PIK3C2G: variants seen among roughly 807,000 people sequenced by gnomAD.
PIK3C2G encodes the protein phosphatidylinositol-4-phosphate 3-kinase catalytic subunit type 2 gamma.
Under a neutral mutation model 181.1 loss-of-function variants are expected in PIK3C2G, and 168 were observed. That is an observed-to-expected ratio of 0.93 (90% CI 0.82 to 1.05). The LOEUF is 1.05. Among genes scored for constraint, PIK3C2G ranks in the 50% least tolerant of loss-of-function variants. The pLI is 0.00. For missense variants in PIK3C2G, 1,869 were observed against 1,732.8 expected (o/e 1.08, Z -1.40); for synonymous variants, 573 against 592.2 (o/e 0.97, Z 0.47).
chr12:18,641,336 T>C (rs930407802), intron 32 of PIK3C2G, among the ~76,000 whole-genome samples: 1 of 152,130 alleles, frequency 6.6e-6, no homozygotes, highest in African/African-American at 2.4e-5. Context: ...CCTTTATTGA[T>C]AGTACTTTAT....
intron 30 of PIK3C2G, among the ~76,000 whole-genome samples, chr12:18,604,796 G>A (rs368416849): frequency 1.3e-5 from 2 of 152,294 alleles, no homozygotes; most frequent in East Asian, 3.9e-4. Context: ...CTGAATGAGT[G>A]TTGGGTCAAA....
intron 11 of PIK3C2G, among the ~76,000 whole-genome samples, chr12:18,356,446 A>T (rs924384786): frequency 1.3e-5 from 2 of 152,102 alleles, no homozygotes; most frequent in African/African-American, 4.8e-5. Flanking sequence ...CCGTGGCAGC[A>T]TCTGGGGGGT....
At chr12:18,434,580 T>C (rs1017839136) in intron 18 of PIK3C2G, among the ~76,000 whole-genome samples, 1 of 152,186 alleles carries the variant, frequency 6.6e-6, no homozygotes, top group Non-Finnish European at 1.5e-5. Context: ...CTTTTGTCTA[T>C]ATTCCGTAGG....
chr12:18,544,947 C>T (rs1252163728), intron 25 of PIK3C2G, among the ~76,000 whole-genome samples: 1 of 151,832 alleles, frequency 6.6e-6, no homozygotes, highest in African/African-American at 2.4e-5. Flanking sequence ...CATTCCTAAC[C>T]AGTCTCCTAA....
intron 2 of PIK3C2G, among the ~76,000 whole-genome samples, chr12:18,284,442 C>A (rs547297589): frequency 1.8e-4 from 27 of 152,180 alleles, no homozygotes; most frequent in Non-Finnish European, 1.0e-4. Context: ...AGTGTGCCAT[C>A]TACAAAATTC....
chr12:18,578,156 G>A (rs1016868681), intron 29 of PIK3C2G, among the ~76,000 whole-genome samples: 4 of 152,148 alleles, frequency 2.6e-5, no homozygotes, highest in East Asian at 1.9e-4. Context: ...TCAGATGCAC[G>A]ACCAGGTCTG....
the PIK3C2G span, among the ~76,000 whole-genome samples, chr12:18,668,409 G>C: frequency 6.6e-6 from 1 of 152,124 alleles, no homozygotes; most frequent in African/African-American, 2.4e-5. Flanking sequence ...GGAAAACCTT[G>C]CTCATCCATC....
At chr12:18,719,496 A>G in the PIK3C2G span, 1 of 1,588,946 alleles carries the variant, frequency 6.3e-7, no homozygotes, top group South Asian at 1.2e-5. Context: ...TGTTATGTGA[A>G]GATGAAATAA....
chr12:18,299,590 T>G (rs1035798182), intron 5 of PIK3C2G, among the ~76,000 whole-genome samples: 1 of 152,016 alleles, frequency 6.6e-6, no homozygotes, highest in Admixed American at 6.5e-5. Context: ...TGAATAAGAG[T>G]GCTAAAGGTA....
chr12:18,702,492 A>G, the PIK3C2G span, among the ~76,000 whole-genome samples: 2 of 152,138 alleles, frequency 1.3e-5, no homozygotes, highest in Admixed American at 1.3e-4. Flanking sequence ...GTTATAAAGT[A>G]AAGTTCTTTT....
chr12:18,503,044 A>AG (rs145448061), intron 22 of PIK3C2G, among the ~76,000 whole-genome samples: 375 of 152,318 alleles, frequency 2.5e-3, no homozygotes, highest in Admixed American at 7.3e-3. Context: ...TAGCTCTAGA[A>AG]AAAATATTAA....
downstream of PIK3C2G, among the ~76,000 whole-genome samples, chr12:18,650,753 T>A (rs1173099318): frequency 1.2e-4 from 12 of 97,588 alleles, no homozygotes; most frequent in Admixed American, 8.7e-4. Flanking sequence ...TATATATATA[T>A]ATATATATAT....
At chr12:18,704,570 G>A in the PIK3C2G span, among the ~76,000 whole-genome samples, 419 of 152,038 alleles carry the variant, frequency 2.8e-3, 4 homozygotes, top group Non-Finnish European at 3.5e-3. Flanking sequence ...CAGGGGATCC[G>A]CCCTCCTCAG....
intron 16 of PIK3C2G, among the ~76,000 whole-genome samples, chr12:18,403,189 CT>C (rs1944348788): frequency 6.6e-6 from 1 of 152,042 alleles, no homozygotes; most frequent in East Asian, 1.9e-4. Context: ...TGTGTAATTT[CT>C]TTTTTTCTGA....
chr12:18,592,801 A>C (rs1314795638), intron 29 of PIK3C2G, among the ~76,000 whole-genome samples: 1 of 151,946 alleles, frequency 6.6e-6, no homozygotes, highest in African/African-American at 2.4e-5. Flanking sequence ...GAAGTGGCTA[A>C]AATATAGATG....
intron 26 of PIK3C2G, among the ~76,000 whole-genome samples, chr12:18,555,232 A>C (rs929373812): frequency 6.6e-6 from 1 of 152,186 alleles, no homozygotes; most frequent in Non-Finnish European, 1.5e-5. Flanking sequence ...GTGTTGCCTA[A>C]GAACCTTGGT....
At chr12:18,695,002 A>T in the PIK3C2G span, 1 of 1,611,328 alleles carries the variant, frequency 6.2e-7, no homozygotes. Context: ...TTCAAAATAT[A>T]TCCAGAACCA....
chr12:18,595,162 G>T (rs1947292828), intron 30 of PIK3C2G, among the ~76,000 whole-genome samples: 1 of 151,958 alleles, frequency 6.6e-6, no homozygotes, highest in Non-Finnish European at 1.5e-5. Context: ...AATAAGCAAG[G>T]ATTAGCAGGA....
intron 24 of PIK3C2G, among the ~76,000 whole-genome samples, chr12:18,536,456 C>A (rs1943859102): frequency 1.3e-5 from 2 of 151,974 alleles, no homozygotes; most frequent in South Asian, 2.1e-4. Flanking sequence ...ATTAAGTCAC[C>A]CAGAGTCATA....
Sources: gnomAD v4.1 joint callset for allele counts (sites outside exome capture counted in the v4.1 genomes callset) on GRCh38, gnomAD v4.1.1 for gene constraint, MANE v1.5 for transcripts, NCBI Gene and HGNC (gene_info 2026-07-23, HGNC 2026-07-21) for gene names.